The following ACVR1B variants were observed in gnomAD, a reference collection of about 807,000 sequenced individuals.
ACVR1B encodes the protein activin A receptor type 1B.
In ACVR1B, 15 loss-of-function variants were observed where a neutral mutation model predicts 55.6. That is an observed-to-expected ratio of 0.27 (90% CI 0.18 to 0.42). The LOEUF (loss-of-function observed/expected upper bound fraction) is 0.42. ACVR1B is among the 10% of genes least tolerant of loss of function. The probability of loss-of-function intolerance (pLI) is 1.00; values close to 1 mark genes in which losing one functional copy is unlikely to be tolerated. For synonymous variants in ACVR1B, 247 were observed against 254.6 expected, an observed-to-expected ratio of 0.97 and a Z score of 0.28; for missense variants, 359 against 670.1, an observed-to-expected ratio of 0.54 and a Z score of 5.13.
In ACVR1B at chr12:51,976,334, CAAG is replaced by C. The variant is rs768333559; in HGVS notation, c.340_342del (p.Lys114del). The C allele has an allele frequency of 2.5e-6, 4 of 1,614,174 alleles. No individual in the cohort carries two copies. The highest frequency in any genetic ancestry group is 3.4e-6 in the Non-Finnish European group (4 of 1,180,026). On this transcript the variant is annotated inframe_deletion, in exon 3 of 9. Coordinates refer to ENST00000257963, the MANE Select transcript of ACVR1B (RefSeq NM_004302.5). ...CTCTCTCACTTGACTCAGGTCACCT[CAAG>C]GAGCCTGAGCACCCGTCCATGTGGG...
At chr12:51,985,133 C>G (rs925466249) in intron 5 of ACVR1B, 59 bp from the exon 6 acceptor site, 5 of 1,531,044 alleles carry the variant, frequency 3.3e-6, no homozygotes, top group Admixed American at 2.0e-5. Context: ...GCTGCATAGT[C>G]TATGCTTTTA....
intron 4 of ACVR1B, among the ~76,000 whole-genome samples, chr12:51,983,675 A>G (rs1266057397): frequency 6.6e-6 from 1 of 152,206 alleles, no homozygotes; most frequent in East Asian, 1.9e-4. Context: ...GATAGCTGTT[A>G]CCTTCCCCAG....
At chr12:51,992,159 C>A in intron 8 of ACVR1B, 166 bp downstream of exon 8, 1 of 881,874 alleles carries the variant, frequency 1.1e-6, no homozygotes, top group South Asian at 1.7e-5. Context: ...GGGCTACAGT[C>A]TCTTGTCCTG....
chr12:51,988,577 C>G (rs575399203), intron 7 of ACVR1B, among the ~76,000 whole-genome samples: 4 of 152,156 alleles, frequency 2.6e-5, no homozygotes, highest in Non-Finnish European at 5.9e-5. Flanking sequence ...TATAATAATG[C>G]TAACATTTAT....
intron 1 of ACVR1B, among the ~76,000 whole-genome samples, chr12:51,958,059 G>A (rs1363594840): frequency 6.6e-6 from 1 of 152,182 alleles, no homozygotes; most frequent in African/African-American, 2.4e-5. Context: ...TCACTATTCT[G>A]TGCATGGCTG....
Position 51,986,852 on chromosome 12 carries a change from A to C in ACVR1B, c.1171A>C (p.Asn391His). The change falls in exon 7 of 9, where the codon AAT (asparagine) becomes CAT (histidine). Residue 391 changes from asparagine to histidine, a missense_variant. Transcript: ENST00000257963. Reference protein sequence around the residue: ...MAPEVLDETINMKHFDSFKCA... With the variant: ...MAPEVLDETIHMKHFDSFKCA... ...CCCTGAAGTACTTGATGAAACCATT[A>C]ATATGAAACACTTTGACTCCTTTAA... 6.2e-7 allele frequency: 1 copy of C among 1,613,938 alleles called. No homozygotes were observed. Among genetic ancestry groups the C allele is most frequent in the Non-Finnish European group, 8.5e-7 (1 of 1,179,870 alleles).
chr12:51,987,051 C>G (rs774081554), intron 7 of ACVR1B, 109 bp downstream of exon 7: 2 of 1,462,180 alleles, frequency 1.4e-6, no homozygotes, highest in South Asian at 2.3e-5. Context: ...TGCCTGTTGC[C>G]AGAGCCTGAA....
intron 1 of ACVR1B, among the ~76,000 whole-genome samples, chr12:51,964,141 TAA>T (rs1371419444): frequency 1.3e-5 from 2 of 152,214 alleles, no homozygotes; most frequent in African/African-American, 4.8e-5. Flanking sequence ...GTTGGTTTTT[TAA>T]AAATTATGTT....
chr12:51,991,053 G>A (rs973013091), intron 7 of ACVR1B, among the ~76,000 whole-genome samples: 2 of 152,112 alleles, frequency 1.3e-5, no homozygotes, highest in South Asian at 2.1e-4. Context: ...AAAACTAAGC[G>A]AATGATTACT....
At chr12:51,991,645 G>A (rs532977227) in intron 7 of ACVR1B, among the ~76,000 whole-genome samples, 1 of 152,180 alleles carries the variant, frequency 6.6e-6, no homozygotes, top group African/African-American at 2.4e-5. Flanking sequence ...CAGGTGATCC[G>A]CTTGCCTTGG....
chr12:51,991,722 C>G (rs1942195148), intron 7 of ACVR1B, 141 bp from the exon 8 acceptor site: 3 of 945,216 alleles, frequency 3.2e-6, no homozygotes, highest in Non-Finnish European at 4.7e-6. Flanking sequence ...ATTTCTTGTT[C>G]CATACTTAGA....
intron 7 of ACVR1B, among the ~76,000 whole-genome samples, chr12:51,987,968 A>C (rs1369165524): frequency 6.6e-6 from 1 of 152,232 alleles, no homozygotes; most frequent in Middle Eastern, 3.2e-3. Context: ...AAGTATATAC[A>C]TCTACTGTGT....
intron 7 of ACVR1B, among the ~76,000 whole-genome samples, chr12:51,988,024 T>A (rs1355005331): frequency 6.6e-6 from 1 of 152,236 alleles, no homozygotes; most frequent in Non-Finnish European, 1.5e-5. Context: ...ACAAAAAATA[T>A]GACAAGTCTT....
At chr12:51,959,575 A>G (rs1263325274) in intron 1 of ACVR1B, among the ~76,000 whole-genome samples, 1 of 152,228 alleles carries the variant, frequency 6.6e-6, no homozygotes, top group Non-Finnish European at 1.5e-5. Flanking sequence ...TCTGACCTGT[A>G]GGAACTGTGA....
At chr12:51,993,801 A>T (rs1292496022) in intron 8 of ACVR1B, among the ~76,000 whole-genome samples, 184 bp from the exon 9 acceptor site, 1 of 139,048 alleles carries the variant, frequency 7.2e-6, no homozygotes, top group Non-Finnish European at 1.6e-5. Flanking sequence ...AAAAAAAAAA[A>T]AAAGGAAGAG....
At chr12:51,990,041 C>T (rs1449306486) in intron 7 of ACVR1B, among the ~76,000 whole-genome samples, 2 of 151,894 alleles carry the variant, frequency 1.3e-5, no homozygotes, top group Non-Finnish European at 2.9e-5. Context: ...CACCTGTAAT[C>T]CCAGCACTTT....
In ACVR1B at chr12:51,951,825, G is replaced by T; in HGVS notation, c.82G>T (p.Gly28Trp). 4 of 1,277,488 alleles carry T rather than the reference G, an allele frequency of 3.1e-6. No individual in the cohort carries two copies. Among genetic ancestry groups the T allele is most frequent in the Non-Finnish European group, 4.0e-6 (4 of 1,003,416 alleles). 79.1% of individuals were successfully genotyped at this position (1,277,488 alleles called of 1,614,324 possible). Reference sequence around the variant, plus strand: ...CGGCAGCGGCGGGTCCGGGCCCCGGGGGGTCCAGGGTGAGTCCTGGGACGG... The same window carrying T: ...CGGCAGCGGCGGGTCCGGGCCCCGGTGGGTCCAGGGTGAGTCCTGGGACGG... Reference protein sequence around the residue: ...LAGSGGSGPRGVQALLCACTS... With the variant: ...LAGSGGSGPRWVQALLCACTS... The change falls in exon 1 of 9, where the codon GGG (glycine) becomes TGG (tryptophan). Residue 28 changes from glycine to tryptophan, a missense_variant. Gly to Trp is a radical substitution (Grantham distance 184). This residue lies in a region of ACVR1B where 48 missense variants were observed against 40.6 expected (regional missense o/e 1.18). Transcript: ENST00000257963.
chr12:51,994,262 C>T lies in ACVR1B; in HGVS notation c.*152C>T, dbSNP rs371160781. On this transcript the variant is annotated 3_prime_UTR_variant, in exon 9 of 9. Coordinates refer to ENST00000257963, the MANE Select transcript of ACVR1B (RefSeq NM_004302.5). This position sits in a 1 kb window ranked among gnomAD's most constrained non-coding sequence, Gnocchi z 4.2. Reference sequence around the variant, plus strand: ...AGAGGGACAGAGCCCGGGAGAGACTCGCTCACTCCCATGTTGGGTTTGAGA... The same window carrying T: ...AGAGGGACAGAGCCCGGGAGAGACTTGCTCACTCCCATGTTGGGTTTGAGA... 29 of 1,056,186 alleles carry T rather than the reference C, an allele frequency of 2.7e-5. 1 individual carries two copies. The highest frequency in any genetic ancestry group is 1.9e-4 in the African/African-American group (12 of 62,428). 65.4% of individuals were successfully genotyped at this position (1,056,186 alleles called of 1,614,324 possible).
chr12:51,954,817 G>A (rs769588059), intron 1 of ACVR1B, among the ~76,000 whole-genome samples: 4 of 152,220 alleles, frequency 2.6e-5, no homozygotes, highest in Non-Finnish European at 4.4e-5. Flanking sequence ...CAGTTGGCGG[G>A]GAGGTATTTT....
Sources: allele counts gnomAD v4.1 joint callset (sites outside exome capture counted in the v4.1 genomes callset), GRCh38; gene constraint gnomAD v4.1.1; regional missense constraint gnomAD v4.1.1; non-coding constraint Gnocchi (gnomAD v3.1); transcripts MANE v1.5; gene names NCBI Gene and HGNC (gene_info 2026-07-23, HGNC 2026-07-21).